Variants in MN1 observed in about 807,000 individuals in gnomAD.
The protein encoded by MN1 is transcriptional activator MN1.
In MN1, 19 loss-of-function variants were observed where a neutral mutation model predicts 86.9. The ratio of observed to expected loss-of-function variants is 0.22; its 90% CI spans 0.15 to 0.32. The LOEUF is 0.32. Ranked by LOEUF, MN1 falls within the 10% of genes least tolerant of loss-of-function variation. The pLI is 1.00. For synonymous variants in MN1, 928 were observed against 849.6 expected (o/e 1.09, Z -1.60); for missense variants, 1,841 against 1,862.0 (o/e 0.99, Z 0.21).
chr22:27,761,763 C>T (rs891764997), intron 1 of MN1, among the ~76,000 whole-genome samples: 4 of 152,356 alleles, frequency 2.6e-5, no homozygotes, highest in East Asian at 1.9e-4. Context: ...GGCCTCGCGC[C>T]GGCCGCTGCA....
intron 1 of MN1, among the ~76,000 whole-genome samples, chr22:27,754,662 C>T (rs1222356540): frequency 2.0e-5 from 3 of 152,226 alleles, no homozygotes; most frequent in South Asian, 2.1e-4. Context: ...CCAGGGCTGC[C>T]GAGTCGCTGC....
chr22:27,785,166 C>A (rs1436889059), intron 1 of MN1, among the ~76,000 whole-genome samples: 1 of 151,962 alleles, frequency 6.6e-6, no homozygotes, highest in African/African-American at 2.4e-5. Flanking sequence ...TATTTTTAAA[C>A]GCTAAAGCAA....
At chr22:27,751,182 A>G (rs1932761448) in intron 1 of MN1, 86 bp from the exon 2 acceptor site, 1 of 1,203,418 alleles carries the variant, frequency 8.3e-7, no homozygotes, top group African/African-American at 1.5e-5. Context: ...GCAGAGGCAT[A>G]CAAGACAGGC....
chr22:27,778,981 G>T (rs1297594), intron 1 of MN1, among the ~76,000 whole-genome samples: 29 of 152,150 alleles, frequency 1.9e-4, no homozygotes, highest in African/African-American at 6.7e-4. Context: ...TCCCATACAG[G>T]GGCATCCCTT....
At chr22:27,779,320 G>C (rs1193168947) in intron 1 of MN1, among the ~76,000 whole-genome samples, 1 of 152,164 alleles carries the variant, frequency 6.6e-6, no homozygotes, top group African/African-American at 2.4e-5. Flanking sequence ...GGATAGAATA[G>C]CTGACTGAGG....
At chr22:27,777,525 C>T (rs1932993789) in intron 1 of MN1, among the ~76,000 whole-genome samples, 1 of 122,442 alleles carries the variant, frequency 8.2e-6, no homozygotes, top group Non-Finnish European at 1.7e-5. Flanking sequence ...AGAGCTAGAC[C>T]TTGTTTCTAA....
In MN1 at chr22:27,799,614, A is replaced by ATGCTGC. The variant is rs747503495; in HGVS notation, c.924_929dup (p.Gln308_Gln309dup). The ATGCTGC allele has an allele frequency of 6.5e-6, 10 of 1,540,142 alleles. No homozygotes were observed. Among genetic ancestry groups the ATGCTGC allele is most frequent in the African/African-American group, 1.4e-5 (1 of 72,250 alleles). On this transcript the variant is annotated inframe_insertion, in exon 1 of 2. Coordinates refer to ENST00000302326, the MANE Select transcript of MN1 (RefSeq NM_002430.3). ...CACTGAACCTCTCAAAGAACACACC[A>ATGCTGC]TGCTGCTGCTGCTGCTGCTGGGGCT...
chr22:27,771,853 G>A (rs1363194168), intron 1 of MN1, among the ~76,000 whole-genome samples: 1 of 152,184 alleles, frequency 6.6e-6, no homozygotes, highest in African/African-American at 2.4e-5. Context: ...GGAGAAAGGA[G>A]GTAATTTGCC....
rs763125504 is a variant in MN1 at position 27,800,519 on chromosome 22, G to T, written c.25C>A (p.Pro9Thr). 3 of 1,614,200 alleles carry T rather than the reference G, an allele frequency of 1.9e-6. No individual in the cohort carries two copies. Among genetic ancestry groups the T allele is most frequent in the East Asian group, 4.5e-5 (2 of 44,876 alleles). Reference protein sequence around the residue: MFGLDQFEPQVNSRNAGQG... With the variant: MFGLDQFETQVNSRNAGQG... ...CCAGCGTTCCTGCTGTTGACCTGGG[G>T]CTCGAATTGGTCCAGCCCAAACATA... Residue 9 changes from proline (P) to threonine (T), a missense_variant, in exon 1 of 2, where the codon CCC becomes ACC. Coordinates refer to ENST00000302326, the MANE Select transcript of MN1 (RefSeq NM_002430.3).
In MN1 at chr22:27,774,449, C is replaced by T. The variant is rs182113681; in HGVS notation, c.3781+22314G>A. On this transcript the variant is annotated intron_variant, in intron 1 of 1. Transcript: ENST00000302326. ...TGCCCAGGGCCACACAGCCCCAGGT[C>T]GGAGGTCCACCCCACGGGTCAGACT... Among the ~76,000 whole-genome samples the T allele has an allele frequency of 2.6e-5, 4 of 152,298 alleles. No homozygotes were observed. The East Asian group carries it at 5.8e-4, about 22-fold the overall frequency.
chr22:27,791,057 G>A (rs1933204630), intron 1 of MN1, among the ~76,000 whole-genome samples: 1 of 152,122 alleles, frequency 6.6e-6, no homozygotes, highest in African/African-American at 2.4e-5. Flanking sequence ...AGTGACTCCA[G>A]ATTGGATGGA....
intron 1 of MN1, among the ~76,000 whole-genome samples, chr22:27,755,862 T>C (rs559136742): frequency 3.3e-4 from 51 of 152,320 alleles, no homozygotes; most frequent in African/African-American, 1.1e-3. Flanking sequence ...CTCACTCCGT[T>C]TCTCTTACAG....
At chr22:27,779,974 C>T (rs557250934) in intron 1 of MN1, among the ~76,000 whole-genome samples, 1 of 152,270 alleles carries the variant, frequency 6.6e-6, no homozygotes, top group South Asian at 2.1e-4. Flanking sequence ...GTAGGCTGAA[C>T]CCTTACCTTA....
rs567699798 is a variant in MN1, at chr22:27,783,588, C to T, written c.3781+13175G>A. On this transcript the variant is annotated intron_variant, in intron 1 of 1. Transcript: ENST00000302326. ...CCAAGGCCAAAGGTCAACTATAGTC[C>T]TGTCCTGGCTCTGCGCCTGTGCTGT... 7.2e-5 allele frequency among the ~76,000 whole-genome samples: 11 copies of T among 152,294 alleles called. No individual in the cohort carries two copies. In the East Asian group the frequency reaches 1.9e-3, roughly 27 times the overall value.
intron 1 of MN1, among the ~76,000 whole-genome samples, chr22:27,796,138 C>A (rs1344000928): frequency 1.3e-5 from 2 of 152,128 alleles, no homozygotes; most frequent in African/African-American, 4.8e-5. Context: ...ACAGGTCTCC[C>A]GTTTTTCAAT....
At position 27,797,542 on chromosome 22, in the gene MN1, T is replaced by C; in HGVS notation, c.3002A>G (p.His1001Arg). Residue 1001 changes from histidine to arginine, a missense_variant, in exon 1 of 2, where the codon CAC (histidine) becomes CGC (arginine). His to Arg is a conservative substitution (Grantham distance 29, BLOSUM62 0). Coordinates refer to ENST00000302326, the MANE Select transcript of MN1 (RefSeq NM_002430.3). ...AGETRGAPTP[H>R]EKALTSPSWG... ...GGATGGCGACGTGAGCGCCTTTTCG[T>C]GGGGCGTCGGTGCCCCGCGCGTCTC... is the stretch of plus-strand genomic sequence containing the variant. 6.2e-7 allele frequency: 1 copy of C among 1,608,276 alleles called. No individual in the cohort carries two copies. Among genetic ancestry groups the C allele is most frequent in the Non-Finnish European group, 8.5e-7 (1 of 1,178,382 alleles).
Position 27,750,816 on chromosome 22 carries a change from C to T in MN1, c.*99G>A. ...AAACTCATCCACTCAGCAATAGTGG[C>T]CCTTTCAAATTAACAGAGGGGTGGG... is the stretch of plus-strand genomic sequence containing the variant. On this transcript the variant is annotated 3_prime_UTR_variant, in exon 2 of 2. Coordinates refer to ENST00000302326, the MANE Select transcript of MN1 (RefSeq NM_002430.3). 6.5e-6 allele frequency: 7 copies of T among 1,078,344 alleles called. No homozygotes were observed. Among genetic ancestry groups the T allele is most frequent in the Non-Finnish European group, 9.1e-6 (7 of 768,824 alleles). 66.8% of individuals were successfully genotyped at this position (1,078,344 alleles called of 1,614,324 possible). A position where few individuals can be genotyped will look rare whatever the true frequency, so the allele number is the denominator to read the frequency against.
At position 27,798,437 on chromosome 22, in the gene MN1, C is replaced by T. The variant is rs1228417715; in HGVS notation, c.2107G>A (p.Gly703Arg). 5.8e-6 allele frequency: 9 copies of T among 1,556,606 alleles called. No homozygotes were observed. The highest frequency in any genetic ancestry group is 1.4e-5 in the African/African-American group (1 of 72,306). The change falls in exon 1 of 2, where the codon GGG (glycine) becomes AGG (arginine). Residue 703 changes from glycine (G) to arginine (R), a missense_variant. By Grantham distance (125) the Gly-to-Arg change is moderately radical. Coordinates refer to ENST00000302326, the MANE Select transcript of MN1 (RefSeq NM_002430.3). ...TGACCCAGGCCTCCCAGACTGCCCC[C>T]GAACTGCAGGCCCGGTGAAGGCAGC... ...PALPSPGLQF[G>R]GSLGGLGQLQ...
chr22:27,798,534 A>C lies in MN1; in HGVS notation c.2010T>G (p.Gly670=). The C allele has an allele frequency of 2.6e-6, 4 of 1,521,284 alleles. No homozygotes were observed. Among genetic ancestry groups the C allele is most frequent in the Non-Finnish European group, 3.5e-6 (4 of 1,145,078 alleles). The allele number at this position is 1,521,284 out of a possible 1,614,324, so 94.2% of individuals were successfully genotyped here. A position where few individuals can be genotyped will look rare whatever the true frequency, so the allele number is the denominator to read the frequency against. Residue 670 remains glycine (G), a synonymous_variant, in exon 1 of 2, where the codon GGT becomes GGG. Transcript: ENST00000302326. ...DPSLAPPPPP[G]GSGVLFRGPL... ...GGCCCCGGAACAGCACCCCCGAGCC[A>C]CCAGGCGGAGGAGGGGGCGCCAGGC... is the stretch of plus-strand genomic sequence containing the variant.
Sources: gnomAD v4.1 joint callset for allele counts (sites outside exome capture counted in the v4.1 genomes callset) on GRCh38, gnomAD v4.1.1 for gene constraint, MANE v1.5 for transcripts, NCBI Gene and HGNC (gene_info 2026-07-23, HGNC 2026-07-21) for gene names.